DPP6: variants seen among roughly 807,000 people sequenced by gnomAD.
DPP6 encodes dipeptidyl peptidase like 6.
Under a neutral mutation model 122.6 loss-of-function variants are expected in DPP6, and 69 were observed. That is an observed-to-expected ratio of 0.56 (90% confidence interval 0.46 to 0.69). The LOEUF (loss-of-function observed/expected upper bound fraction) is 0.69, where lower values mean the gene tolerates loss of function less well. Ranked by LOEUF, DPP6 falls within the 30% of genes least tolerant of loss-of-function variation. The pLI is 0.00. For synonymous variants in DPP6, 418 were observed against 433.1 expected, an observed-to-expected ratio of 0.97 and a Z score of 0.43; for missense variants, 928 against 1,116.9, an observed-to-expected ratio of 0.83 and a Z score of 2.41.
chr7:153,880,668 C>G, the DPP6 span, among the ~76,000 whole-genome samples: 1 of 152,184 alleles, frequency 6.6e-6, no homozygotes, highest in East Asian at 1.9e-4. Context: ...TGTAGCCTAA[C>G]ACATTTGTTA....
intron 1 of DPP6, among the ~76,000 whole-genome samples, chr7:153,914,737 C>T (rs547438980): frequency 1.1e-4 from 17 of 152,242 alleles, no homozygotes; most frequent in South Asian, 8.3e-4. Flanking sequence ...CATCAGCGTT[C>T]GGAGAGATTG....
In DPP6 at chr7:154,867,976, CCT is replaced by C. The variant is rs766402009; in HGVS notation, c.1715-18_1715-17del. The C allele has an allele frequency of 1.9e-6, 3 of 1,575,618 alleles. No individual in the cohort carries two copies. The highest frequency in any genetic ancestry group is 2.4e-5 in the South Asian group (2 of 84,906). ...AGTGACCACTGCATCTCAGTGTGTC[CCT>C]GTTTCCTCTCTTTCAGAAATGTTTG... On this transcript the variant is annotated splice_polypyrimidine_tract_variant and intron_variant, in intron 17 of 25. Transcript: ENST00000377770.
In DPP6 at chr7:154,322,120, C is replaced by T. The variant is rs181006050; in HGVS notation, c.244-124094C>T. ...CCCTCCCCCACCTCCTCAGCCCAGC[C>T]TGGAAAGGCCCACGGAAGGACTCTG... On this transcript the variant is annotated intron_variant, in intron 1 of 25. Coordinates refer to ENST00000377770, the MANE Select transcript of DPP6 (RefSeq NM_130797.4). 3.4e-3 allele frequency among the ~76,000 whole-genome samples: 510 copies of T among 151,622 alleles called. 3 individuals carry two copies. The highest frequency in any genetic ancestry group is 0.012 in the African/African-American group (498 of 41,304).
chr7:154,208,057 G>C (rs1460278856), intron 1 of DPP6, among the ~76,000 whole-genome samples: 1 of 152,028 alleles, frequency 6.6e-6, no homozygotes, highest in Non-Finnish European at 1.5e-5. Context: ...ATATGATAAA[G>C]AAAACAGGCA....
chr7:153,887,622 C>T (rs1490581825), exon 1 of DPP6: 34 of 1,593,070 alleles, frequency 2.1e-5, no homozygotes, highest in Middle Eastern at 1.7e-4. Flanking sequence ...TTAATCCTCA[C>T]CAGGACAATG....
intron 17 of DPP6, among the ~76,000 whole-genome samples, chr7:154,858,792 C>G (rs777214244): frequency 3.9e-5 from 6 of 152,180 alleles, no homozygotes; most frequent in Non-Finnish European, 8.8e-5. Flanking sequence ...ACTTCACCCT[C>G]TAATGGCAGC....
chr7:153,784,430 C>G, the DPP6 span, among the ~76,000 whole-genome samples: 8 of 152,056 alleles, frequency 5.3e-5, no homozygotes, highest in Middle Eastern at 3.2e-3. Context: ...AGCATTATGC[C>G]TAGAATAATT....
At position 154,295,985 on chromosome 7, in the gene DPP6, C is replaced by T. The variant is rs1167174059; in HGVS notation, c.244-150229C>T. On this transcript the variant is annotated intron_variant, in intron 1 of 25. Transcript: ENST00000377770. Reference sequence around the variant, plus strand: ...TTTGAGACAGAGTCTCTCTCTGTCACCCAGGCTGGAGTGCAGTGGTGCTAT... The same window carrying T: ...TTTGAGACAGAGTCTCTCTCTGTCATCCAGGCTGGAGTGCAGTGGTGCTAT... 2.7e-5 allele frequency among the ~76,000 whole-genome samples: 4 copies of T among 149,500 alleles called. No individual in the cohort carries two copies. In the East Asian group the frequency reaches 7.9e-4, roughly 29 times the overall value.
At chr7:154,176,784 A>G (rs1441797591) in intron 1 of DPP6, among the ~76,000 whole-genome samples, 1 of 152,218 alleles carries the variant, frequency 6.6e-6, no homozygotes, top group Non-Finnish European at 1.5e-5. Context: ...TTTCAGGGAC[A>G]CACTTCCTTC....
intron 1 of DPP6, among the ~76,000 whole-genome samples, chr7:154,131,568 T>A (rs1795287345): frequency 6.6e-6 from 1 of 152,284 alleles, no homozygotes; most frequent in African/African-American, 2.4e-5. Flanking sequence ...ACAATGTGCA[T>A]CCAGGAAGTT....
chr7:154,029,719 G>A (rs1177619568), intron 1 of DPP6, among the ~76,000 whole-genome samples: 6 of 149,154 alleles, frequency 4.0e-5, no homozygotes, highest in South Asian at 2.1e-4. Context: ...GGTGGCGGGC[G>A]CCTGTAGTCC....
chr7:154,615,460 A>G (rs1453878377), intron 5 of DPP6, among the ~76,000 whole-genome samples: 1 of 152,228 alleles, frequency 6.6e-6, no homozygotes, highest in East Asian at 1.9e-4. Flanking sequence ...GAATTTTAAA[A>G]TATTATAATC....
rs2131245945 is a variant in DPP6 at position 154,696,831 on chromosome 7, A to T, written c.762+27390A>T. On this transcript the variant is annotated intron_variant, in intron 7 of 25. Transcript: ENST00000377770. ...GGGCAGCCAAAGGCCGATTATGGAG[A>T]ACCACCCAGAGTGGAGTTAGGAGCC... Among the ~76,000 whole-genome samples the T allele has an allele frequency of 2.0e-5, 3 of 152,308 alleles. No homozygotes were observed. In the South Asian group the frequency reaches 6.2e-4, roughly 32 times the overall value.
At chr7:153,834,729 T>G in the DPP6 span, among the ~76,000 whole-genome samples, 1 of 152,354 alleles carries the variant, frequency 6.6e-6, no homozygotes, top group African/African-American at 2.4e-5. Flanking sequence ...TTGCTGGAAC[T>G]GCCTATTCAA....
chr7:154,496,276 C>T (rs189784139), intron 3 of DPP6, among the ~76,000 whole-genome samples: 13 of 152,258 alleles, frequency 8.5e-5, no homozygotes, highest in Non-Finnish European at 1.9e-4. Context: ...GAATCCAAGA[C>T]TGCAAATCTC....
chr7:154,305,336 A>ACCCCCCCCCCCCCCCCCCTCCC, intron 1 of DPP6: 1 of 362,178 alleles, frequency 2.8e-6, no homozygotes, highest in South Asian at 6.7e-5. Flanking sequence ...CGTCTTGTCT[A>ACCCCCCCCCCCCCCCCCCTCCC]CCCACCCTCC....
At chr7:154,410,866 A>G (rs1816537167) in intron 1 of DPP6, among the ~76,000 whole-genome samples, 1 of 152,244 alleles carries the variant, frequency 6.6e-6, no homozygotes, top group South Asian at 2.1e-4. Context: ...ATGGAAAAAC[A>G]TATTGATTGT....
chr7:154,593,245 C>T (rs185264434), intron 5 of DPP6, among the ~76,000 whole-genome samples: 20 of 152,296 alleles, frequency 1.3e-4, no homozygotes, highest in East Asian at 3.9e-4. Flanking sequence ...TTAATAGCTC[C>T]GGTCCAGCTA....
In DPP6 at chr7:154,241,219, G is replaced by GTGTGTGTGTGTA. The variant is rs1444102599; in HGVS notation, c.243+188157_243+188158insGTGTGTGTGTAT. ...TGTGTGTGTGTGTGTGTGTGTGTGT[G>GTGTGTGTGTGTA]TATATATATATAGAGAGAGAGAGAG... On this transcript the variant is annotated intron_variant, in intron 1 of 25. Coordinates refer to ENST00000377770, the MANE Select transcript of DPP6 (RefSeq NM_130797.4). This position sits in a 1 kb window ranked among gnomAD's most constrained non-coding sequence, Gnocchi z 9.0. 4.3e-3 allele frequency among the ~76,000 whole-genome samples: 607 copies of GTGTGTGTGTGTA among 142,806 alleles called. 9 individuals are homozygous for GTGTGTGTGTGTA. Among genetic ancestry groups the GTGTGTGTGTGTA allele is most frequent in the Admixed American group, 0.032 (470 of 14,582 alleles). The allele number at this position is 142,806 out of a possible 152,430, so 93.7% of individuals were successfully genotyped here.
Sources: gnomAD v4.1 joint callset for allele counts (sites outside exome capture counted in the v4.1 genomes callset) on GRCh38, gnomAD v4.1.1 for gene constraint, Gnocchi (gnomAD v3.1) non-coding constraint, MANE v1.5 for transcripts, NCBI Gene and HGNC (gene_info 2026-07-23, HGNC 2026-07-21) for gene names.